The following PEBP4 variants were observed in gnomAD, a reference collection of about 807,000 sequenced individuals.
PEBP4 encodes the protein phosphatidylethanolamine binding protein 4, also known as phosphatidylethanolamine-binding protein 4.
A neutral mutation model predicts 23.9 loss-of-function variants in PEBP4; 22 were observed. That is an observed-to-expected ratio of 0.92 (90% CI 0.66 to 1.31). The LOEUF (loss-of-function observed/expected upper bound fraction) is 1.31. PEBP4 is among the 40% of genes most tolerant of loss of function. The pLI, the probability that PEBP4 is intolerant of heterozygous loss-of-function variation, is 0.00. For missense variants in PEBP4, 324 were observed against 281.7 expected, an observed-to-expected ratio of 1.15 and a Z score of -1.07; for synonymous variants, 112 against 99.3, an observed-to-expected ratio of 1.13 and a Z score of -0.76.
intron 4 of PEBP4, among the ~76,000 whole-genome samples, chr8:22,800,585 C>A (rs900159273): frequency 2.0e-5 from 3 of 152,146 alleles, no homozygotes; most frequent in Non-Finnish European, 2.9e-5. Context: ...AGTCCCTGGG[C>A]AGGCTGTCTC....
At chr8:22,933,462 T>C (rs949579545) in intron 1 of PEBP4, among the ~76,000 whole-genome samples, 2 of 152,192 alleles carry the variant, frequency 1.3e-5, no homozygotes, top group Non-Finnish European at 2.9e-5. Flanking sequence ...TCAATAAAAT[T>C]ATCAGCCAAT....
At chr8:22,867,324 C>T (rs78151929) in intron 3 of PEBP4, among the ~76,000 whole-genome samples, 3,288 of 152,156 alleles carry the variant, frequency 0.022, 30 homozygotes, top group Middle Eastern at 0.041. Flanking sequence ...GGGCTGTTAC[C>T]ATGCACATTT....
intron 4 of PEBP4, among the ~76,000 whole-genome samples, chr8:22,742,349 G>C (rs547986395): frequency 6.6e-6 from 1 of 152,344 alleles, no homozygotes; most frequent in Admixed American, 6.5e-5. Context: ...CACCAGCGGG[G>C]TGGGCTCCAA....
chr8:22,805,038 A>C (rs1012651703), intron 4 of PEBP4, among the ~76,000 whole-genome samples: 6 of 151,448 alleles, frequency 4.0e-5, no homozygotes, highest in Non-Finnish European at 8.8e-5. Context: ...TCAGGACTCA[A>C]CTCCATCCTA....
At chr8:22,743,085 C>T (rs540356273) in intron 4 of PEBP4, among the ~76,000 whole-genome samples, 4 of 152,204 alleles carry the variant, frequency 2.6e-5, no homozygotes, top group Admixed American at 6.5e-5. Context: ...TTATGCCAGA[C>T]TCCAGTGCCC....
chr8:22,738,726 T>C (rs915787526), intron 4 of PEBP4, among the ~76,000 whole-genome samples: 3 of 152,162 alleles, frequency 2.0e-5, no homozygotes, highest in Non-Finnish European at 4.4e-5. Flanking sequence ...ACTCACATAC[T>C]TGTAGTATGC....
intron 3 of PEBP4, among the ~76,000 whole-genome samples, chr8:22,823,793 T>C (rs1806909367): frequency 6.6e-6 from 1 of 151,884 alleles, no homozygotes; most frequent in Non-Finnish European, 1.5e-5. Flanking sequence ...TTTAAATCCA[T>C]AAAAAAAGAC....
At chr8:22,878,217 G>GGAGGGGGA (rs1477943187) in intron 3 of PEBP4, 1 of 151,786 alleles carries the variant, frequency 6.6e-6, no homozygotes, top group African/African-American at 2.4e-5. Context: ...GCATGGAGAG[G>GGAGGGGGA]GAGGGGGAGA....
chr8:22,891,754 G>A (rs758987167), intron 3 of PEBP4, among the ~76,000 whole-genome samples: 1 of 152,166 alleles, frequency 6.6e-6, no homozygotes, highest in Non-Finnish European at 1.5e-5. Context: ...TCCCACCATG[G>A]ACCACAGCCT....
Position 22,778,385 on chromosome 8 carries a change from C to CT in PEBP4, c.357+39251dup, listed in dbSNP as rs1211155646. 3.8e-3 allele frequency among the ~76,000 whole-genome samples: 553 copies of CT among 146,218 alleles called. 1 individual carries two copies. Among genetic ancestry groups the CT allele is most frequent in the Non-Finnish European group, 3.6e-3 (239 of 66,476 alleles). On this transcript the variant is annotated intron_variant, in intron 4 of 6. Coordinates refer to ENST00000256404, the MANE Select transcript of PEBP4 (RefSeq NM_144962.3). ...CAGTTATGGGGAGACAGAGCTTGAA[C>CT]TTTTTTTTTTTTTTTTGAGATGGAG...
At chr8:22,921,753 A>C (rs1209468815) in intron 2 of PEBP4, among the ~76,000 whole-genome samples, 1 of 152,164 alleles carries the variant, frequency 6.6e-6, no homozygotes, top group Non-Finnish European at 1.5e-5. Context: ...GGATGGCAAG[A>C]TTTTCACAGC....
intron 3 of PEBP4, among the ~76,000 whole-genome samples, chr8:22,876,599 C>T (rs1585318725): frequency 6.6e-6 from 1 of 152,198 alleles, no homozygotes; most frequent in South Asian, 2.1e-4. Context: ...CTGTCTCTAC[C>T]TCAACTTGCA....
intron 3 of PEBP4, chr8:22,884,215 A>AAG (rs1457315196): frequency 6.6e-6 from 1 of 152,216 alleles, no homozygotes; most frequent in Non-Finnish European, 1.5e-5. Context: ...CTTTAAAATG[A>AAG]AGATGAAATG....
chr8:22,822,126 A>C (rs1806872528), intron 3 of PEBP4, among the ~76,000 whole-genome samples: 1 of 152,154 alleles, frequency 6.6e-6, no homozygotes, highest in Non-Finnish European at 1.5e-5. Flanking sequence ...GAGGGCCACA[A>C]AGTGATTGTT....
intron 4 of PEBP4, among the ~76,000 whole-genome samples, chr8:22,805,794 T>TAA (rs113786696): frequency 1.4e-4 from 22 of 152,034 alleles, no homozygotes; most frequent in African/African-American, 5.3e-4. Context: ...CTATTTTTTT[T>TAA]TAAAAAAAAG....
chr8:22,817,526 C>T, intron 4 of PEBP4, 111 bp downstream of exon 4: 2 of 999,816 alleles, frequency 2.0e-6, no homozygotes, highest in Non-Finnish European at 3.1e-6. Context: ...GGAGATGGGA[C>T]ACAGAAGTCC....
intron 4 of PEBP4, chr8:22,747,590 G>A (rs1026943247): frequency 2.1e-4 from 31 of 150,104 alleles, no homozygotes; most frequent in African/African-American, 7.4e-4. Context: ...GTGTGCATGG[G>A]TGTGCACGCT....
At chr8:22,937,569 A>G (rs552830555) in intron 1 of PEBP4, among the ~76,000 whole-genome samples, 4 of 152,282 alleles carry the variant, frequency 2.6e-5, no homozygotes, top group Non-Finnish European at 5.9e-5. Context: ...TTTTACAGAA[A>G]TAGAAAAACC....
intron 3 of PEBP4, among the ~76,000 whole-genome samples, chr8:22,872,147 T>C (rs1808019357): frequency 6.6e-6 from 1 of 152,258 alleles, no homozygotes; most frequent in Non-Finnish European, 1.5e-5. Flanking sequence ...ATGGTATGTA[T>C]ACACCATATT....
Sources: gnomAD v4.1 joint callset for allele counts (sites outside exome capture counted in the v4.1 genomes callset) on GRCh38, gnomAD v4.1.1 for gene constraint, MANE v1.5 for transcripts, NCBI Gene and HGNC (gene_info 2026-07-23, HGNC 2026-07-21) for gene names.